The following ZNF681 variants were observed in gnomAD, a reference collection of about 807,000 sequenced individuals.
The protein encoded by ZNF681 is zinc finger protein 681.
Under a neutral mutation model 56.0 loss-of-function variants are expected in ZNF681, and 37 were observed. The ratio of observed to expected loss-of-function variants is 0.66; its 90% CI spans 0.51 to 0.87. ZNF681 has a LOEUF of 0.87. ZNF681 is among the 40% of genes least tolerant of loss of function. ZNF681 has a pLI of 0.00. For missense variants in ZNF681, 741 were observed against 744.9 expected (o/e 0.99, Z 0.06); for synonymous variants, 225 against 248.6 (o/e 0.91, Z 0.89).
At chr19:23,749,162 T>TA (rs1273225462) in intron 3 of ZNF681, among the ~76,000 whole-genome samples, 2 of 151,952 alleles carry the variant, frequency 1.3e-5, no homozygotes, top group Non-Finnish European at 2.9e-5. Flanking sequence ...TATTCAGCCT[T>TA]AAAAAAAATC....
At chr19:23,745,448 A>AT in intron 3 of ZNF681, 125 bp from the exon 4 acceptor site, 6 of 705,970 alleles carry the variant, frequency 8.5e-6, no homozygotes, top group South Asian at 4.9e-5. Context: ...CAAAGGCCCT[A>AT]ATTTTTTTTT....
rs1369710880 is a variant in ZNF681, at chr19:23,743,756, A to G, written c.1794T>C (p.Ala598=). 1.2e-6 allele frequency: 2 copies of G among 1,613,628 alleles called. No homozygotes were observed. Among genetic ancestry groups the G allele is most frequent in the South Asian group, 1.1e-5 (1 of 91,052 alleles). The change falls in exon 4 of 4, where the codon GCT becomes GCC. Residue 598 remains alanine, a synonymous_variant. Coordinates refer to ENST00000402377, the MANE Select transcript of ZNF681 (RefSeq NM_138286.3). ...CAGTAAGGTTTGAGGACTGGTTAAAAGCTTTGCCACATTTTTCACATTGGT... is the reference window on the plus strand; with the variant it reads ...CAGTAAGGTTTGAGGACTGGTTAAAGGCTTTGCCACATTTTTCACATTGGT... ...KPYQCEKCGK[A]FNQSSNLTGH...
intron 1 of ZNF681, among the ~76,000 whole-genome samples, chr19:23,756,506 G>T (rs76045398): frequency 6.6e-6 from 1 of 152,148 alleles, no homozygotes; most frequent in Non-Finnish European, 1.5e-5. Context: ...CATGGATGCA[G>T]CTGAAAGCTA....
rs936099701 is a variant in ZNF681 at position 23,758,812 on chromosome 19, G to A, written c.-63C>T. 3.7e-6 allele frequency: 6 copies of A among 1,609,792 alleles called. No individual in the cohort carries two copies. The Admixed American group carries it at 8.4e-5, about 22-fold the overall frequency. On this transcript the variant is annotated 5_prime_UTR_variant, in exon 1 of 4. Transcript: ENST00000402377. Reference sequence around the variant, plus strand: ...ATCGCCAATACCTGCAGGTCAGAGGGCCATAGAGGCTGGGCCTCTAGAAGA... The same window carrying A: ...ATCGCCAATACCTGCAGGTCAGAGGACCATAGAGGCTGGGCCTCTAGAAGA...
Position 23,745,022 on chromosome 19 carries a change from G to C in ZNF681, c.528C>G (p.Gly176=). 1 of 1,594,498 alleles carries C rather than the reference G, an allele frequency of 6.3e-7. No homozygotes were observed. The highest frequency in any genetic ancestry group is 8.6e-7 in the Non-Finnish European group (1 of 1,168,916). The change falls in exon 4 of 4, where the codon GGC becomes GGG. Residue 176 remains glycine, a synonymous_variant. Coordinates refer to ENST00000402377, the MANE Select transcript of ZNF681 (RefSeq NM_138286.3). ...RKKPFKYKEF[G]KSFCIFSNLT... The stretch of plus-strand genomic sequence containing the variant: ...GGTTTGAAAATATGCAAAATGATTT[G>C]CCAAATTCTTTATATTTAAAAGGTT...
At chr19:23,746,806 G>T (rs1221840549) in intron 3 of ZNF681, among the ~76,000 whole-genome samples, 1 of 152,208 alleles carries the variant, frequency 6.6e-6, no homozygotes, top group Admixed American at 6.5e-5. Flanking sequence ...TATTCTGTTA[G>T]GATACACAAC....
chr19:23,753,391 T>C (rs1333450321), intron 3 of ZNF681, among the ~76,000 whole-genome samples: 1 of 152,292 alleles, frequency 6.6e-6, no homozygotes, highest in African/African-American at 2.4e-5. Flanking sequence ...AGAGCAAGAC[T>C]CTGTCTCAAA....
intron 3 of ZNF681, among the ~76,000 whole-genome samples, chr19:23,754,509 T>C (rs1969084789): frequency 6.6e-6 from 1 of 151,604 alleles, no homozygotes; most frequent in African/African-American, 2.4e-5. Context: ...ACTAAAAAAA[T>C]ACAAAAATTA....
In ZNF681 at chr19:23,751,931, C is replaced by T. The variant is rs1048253177; in HGVS notation, c.226+2892G>A. 3.3e-5 allele frequency among the ~76,000 whole-genome samples: 5 copies of T among 152,304 alleles called. No homozygotes were observed. In the South Asian group the frequency reaches 1.0e-3, roughly 32 times the overall value. ...CTCGATCTCCTGACCTCGTGATCCG[C>T]CCACCTTGGCCTCCCAGAGTGCTGG... On this transcript the variant is annotated intron_variant, in intron 3 of 3. Transcript: ENST00000402377.
intron 1 of ZNF681, 49 bp downstream of exon 1, chr19:23,758,698 C>T (rs751290419): frequency 2.5e-6 from 4 of 1,614,112 alleles, no homozygotes; most frequent in African/African-American, 1.3e-5. Flanking sequence ...GTCTGAGTCC[C>T]GCCACAGCCC....
chr19:23,755,515 A>C lies in ZNF681; in HGVS notation c.40T>G (p.Ser14Ala), dbSNP rs1346512679. ...TCCAGGCATTGCCACTCCTCCAGAG[A>C]GAATTCTATGGCCACATCCCTAAAT... ...LKFRDVAIEF[S>A]LEEWQCLDTI... Residue 14 changes from serine to alanine, a missense_variant, in exon 2 of 4, where the codon TCT (serine) becomes GCT (alanine). By Grantham distance (99) the Ser-to-Ala change is moderately conservative. Coordinates refer to ENST00000402377, the MANE Select transcript of ZNF681 (RefSeq NM_138286.3). 6.2e-7 allele frequency: 1 copy of C among 1,610,374 alleles called. No individual in the cohort carries two copies. The highest frequency in any genetic ancestry group is 1.3e-5 in the African/African-American group (1 of 74,640).
intron 3 of ZNF681, among the ~76,000 whole-genome samples, chr19:23,747,250 T>C (rs1394782968): frequency 6.6e-6 from 1 of 152,170 alleles, no homozygotes; most frequent in African/African-American, 2.4e-5. Flanking sequence ...ACACATACTC[T>C]TCAACATAGT....
At chr19:23,751,941 C>A (rs531204314) in intron 3 of ZNF681, among the ~76,000 whole-genome samples, 1 of 152,160 alleles carries the variant, frequency 6.6e-6, no homozygotes, top group Non-Finnish European at 1.5e-5. Flanking sequence ...CCCACCTTGG[C>A]CTCCCAGAGT....
chr19:23,745,774 A>G (rs1226262949), intron 3 of ZNF681, among the ~76,000 whole-genome samples: 1 of 152,170 alleles, frequency 6.6e-6, no homozygotes, highest in Non-Finnish European at 1.5e-5. Context: ...TTCTTAATAG[A>G]AATATAAATG....
At chr19:23,745,881 T>C (rs139031533) in intron 3 of ZNF681, among the ~76,000 whole-genome samples, 6 of 152,108 alleles carry the variant, frequency 3.9e-5, no homozygotes, top group Non-Finnish European at 8.8e-5. Flanking sequence ...AAGAGCCACA[T>C]AGAAAGAAAA....
chr19:23,753,417 C>T (rs1232890159), intron 3 of ZNF681, among the ~76,000 whole-genome samples: 2 of 152,394 alleles, frequency 1.3e-5, no homozygotes, highest in East Asian at 1.9e-4. Context: ...ATCTTATTTA[C>T]AATAGCATTA....
rs368732075 is a variant in ZNF681 at position 23,743,534 on chromosome 19, GTTT to G, written c.*75_*77del. 7.9e-6 allele frequency: 10 copies of G among 1,263,928 alleles called. 1 individual carries two copies. Among genetic ancestry groups the G allele is most frequent in the African/African-American group, 4.6e-5 (3 of 65,862 alleles). 78.3% of individuals were successfully genotyped at this position (1,263,928 alleles called of 1,614,324 possible). A position where few individuals can be genotyped will look rare whatever the true frequency, so the allele number is the denominator to read the frequency against. ...TTTGCCACATTCTTCACACTTGTAG[GTTT>G]TTTTTTAGTATGAATTATCTTATGC... On this transcript the variant is annotated 3_prime_UTR_variant, in exon 4 of 4. Coordinates refer to ENST00000402377, the MANE Select transcript of ZNF681 (RefSeq NM_138286.3).
At chr19:23,756,931 C>T (rs139434451) in intron 1 of ZNF681, among the ~76,000 whole-genome samples, 11 of 151,876 alleles carry the variant, frequency 7.2e-5, no homozygotes, top group African/African-American at 1.9e-4. Context: ...AGTGCCATGG[C>T]GTGATCTCGG....
intron 3 of ZNF681, among the ~76,000 whole-genome samples, chr19:23,749,777 TTTATG>T (rs1968996946): frequency 6.9e-6 from 1 of 145,016 alleles, no homozygotes; most frequent in Non-Finnish European, 1.5e-5. Context: ...GACAATACAT[TTTATG>T]TTATGTGTTT....
Sources: allele counts gnomAD v4.1 joint callset (sites outside exome capture counted in the v4.1 genomes callset), GRCh38; gene constraint gnomAD v4.1.1; transcripts MANE v1.5; gene names NCBI Gene and HGNC (gene_info 2026-07-23, HGNC 2026-07-21).